The following RBFOX1 variants were observed in gnomAD, a reference collection of about 807,000 sequenced individuals.
RBFOX1 encodes the protein RNA binding protein fox-1 homolog 1.
In RBFOX1, 8 loss-of-function variants were observed where a neutral mutation model predicts 57.7. The observed-to-expected ratio is 0.14, with a 90% CI of 0.08 to 0.25. RBFOX1 has a LOEUF of 0.25. RBFOX1 is among the 10% of genes least tolerant of loss of function. The pLI is 1.00. For synonymous variants in RBFOX1, 326 were observed against 222.4 expected, an observed-to-expected ratio of 1.47 and a Z score of -4.15; for missense variants, 611 against 548.5, an observed-to-expected ratio of 1.11 and a Z score of -1.14.
intron 2 of RBFOX1, among the ~76,000 whole-genome samples, chr16:5,477,247 C>T (rs1241107770): frequency 3.3e-5 from 5 of 152,054 alleles, no homozygotes; most frequent in Non-Finnish European, 5.9e-5. Context: ...TTTTTGGTGC[C>T]TGTATTTTTT....
At chr16:5,784,000 A>G (rs1274137218) in intron 3 of RBFOX1, among the ~76,000 whole-genome samples, 3 of 152,304 alleles carry the variant, frequency 2.0e-5, no homozygotes, top group Non-Finnish European at 2.9e-5. Flanking sequence ...CTTACCTGAG[A>G]CTGGGTAATT....
At chr16:5,345,941 A>T (rs907271791) in intron 1 of RBFOX1, among the ~76,000 whole-genome samples, 1 of 152,174 alleles carries the variant, frequency 6.6e-6, no homozygotes, top group East Asian at 1.9e-4. Context: ...CCTGCTAATT[A>T]TGCCCCTAGG....
At chr16:6,351,488 C>G (rs2086387870) in intron 2 of RBFOX1, among the ~76,000 whole-genome samples, 1 of 151,044 alleles carries the variant, frequency 6.6e-6, no homozygotes, top group African/African-American at 2.4e-5. Context: ...ATTCTCTTGC[C>G]TCAGCCTCCC....
At chr16:6,196,881 G>T (rs2097183315) in intron 1 of RBFOX1, among the ~76,000 whole-genome samples, 1 of 151,634 alleles carries the variant, frequency 6.6e-6, no homozygotes, top group Non-Finnish European at 1.5e-5. Context: ...CTGCATCGAG[G>T]TCATCTCTGT....
At chr16:6,272,574 A>C (rs1488899184) in intron 1 of RBFOX1, among the ~76,000 whole-genome samples, 1 of 152,214 alleles carries the variant, frequency 6.6e-6, no homozygotes, top group Non-Finnish European at 1.5e-5. Context: ...TTTTGTGGAT[A>C]GAGACAACAC....
In RBFOX1 at chr16:7,392,797, C is replaced by T. The variant is rs186853130; in HGVS notation, c.28-125350C>T. 1.3e-4 allele frequency among the ~76,000 whole-genome samples: 20 copies of T among 152,118 alleles called. 1 individual carries two copies. Among genetic ancestry groups the T allele is most frequent in the Admixed American group, 9.2e-4 (14 of 15,262 alleles). ...AATTACTGTAGGGATGTCCTCAGTC[C>T]GTGGATTGTTTTGACTCTCTTTGGT... On this transcript the variant is annotated intron_variant, in intron 4 of 15. Transcript: ENST00000550418.
At chr16:7,279,114 C>A (rs1294267663) in intron 4 of RBFOX1, among the ~76,000 whole-genome samples, 1 of 145,484 alleles carries the variant, frequency 6.9e-6, no homozygotes, top group Non-Finnish European at 1.5e-5. Context: ...TGTACATTTT[C>A]TCTTTCCTTT....
At chr16:7,101,158 T>C (rs2062623459) in intron 4 of RBFOX1, among the ~76,000 whole-genome samples, 1 of 152,196 alleles carries the variant, frequency 6.6e-6, no homozygotes. Context: ...TGAGTATTAA[T>C]TTAGTCAGAG....
chr16:7,351,666 T>C (rs1259980276), intron 4 of RBFOX1, among the ~76,000 whole-genome samples: 3 of 152,232 alleles, frequency 2.0e-5, no homozygotes, highest in African/African-American at 7.2e-5. Context: ...TCTCTTTTTT[T>C]CGCTTCCTGG....
At chr16:6,189,508 C>T (rs184388999) in intron 1 of RBFOX1, among the ~76,000 whole-genome samples, 3 of 152,320 alleles carry the variant, frequency 2.0e-5, no homozygotes, top group East Asian at 1.9e-4. Flanking sequence ...CATTGGTTAG[C>T]TTGCTGAAGG....
chr16:5,538,322 C>G (rs2044781777), intron 2 of RBFOX1, among the ~76,000 whole-genome samples: 1 of 152,124 alleles, frequency 6.6e-6, no homozygotes. Context: ...AAAATAGCAT[C>G]CACCAAAAGA....
At chr16:7,226,526 G>A (rs1450942362) in intron 4 of RBFOX1, among the ~76,000 whole-genome samples, 1 of 152,188 alleles carries the variant, frequency 6.6e-6, no homozygotes. Flanking sequence ...TTTTCCTTGG[G>A]TCTGCCGTAA....
Position 6,492,747 on chromosome 16 carries a change from G to A in RBFOX1, c.-63-161856G>A, listed in dbSNP as rs933460829. Among the ~76,000 whole-genome samples the A allele has an allele frequency of 5.3e-5, 8 of 152,162 alleles. 1 individual carries two copies. Among genetic ancestry groups the A allele is most frequent in the African/African-American group, 1.9e-4 (8 of 41,440 alleles). On this transcript the variant is annotated intron_variant, in intron 2 of 15. Transcript: ENST00000550418. ...GAAATACCTAAGTAGGGTGATTGGA[G>A]GTCAAGGACCCTTGTAGGAATGAAG...
chr16:7,187,690 CAAAAAAAAAAAAAAAAAAAA>C (rs536529201), intron 4 of RBFOX1, among the ~76,000 whole-genome samples: 134 of 72,582 alleles, frequency 1.8e-3, no homozygotes, highest in African/African-American at 7.7e-3. Context: ...CTCTGTCTCA[CAAAAAAAAAAAAAAAAAAAA>C]AAAAAAAAAA....
At chr16:5,773,582 C>G (rs961071390) in intron 3 of RBFOX1, among the ~76,000 whole-genome samples, 1 of 152,186 alleles carries the variant, frequency 6.6e-6, no homozygotes, top group Non-Finnish European at 1.5e-5. Context: ...TTTTCCCATT[C>G]TGAACAGTGT....
At chr16:6,296,489 C>T (rs184796546) in intron 1 of RBFOX1, among the ~76,000 whole-genome samples, 2,096 of 151,238 alleles carry the variant, frequency 0.014, 59 homozygotes, top group African/African-American at 0.048. Context: ...GGCGGGATCT[C>T]GGCTCACTGC....
intron 1 of RBFOX1, among the ~76,000 whole-genome samples, chr16:5,275,999 T>C (rs1243096176): frequency 1.3e-5 from 2 of 152,178 alleles, no homozygotes; most frequent in South Asian, 2.1e-4. Flanking sequence ...AGAATAAAAC[T>C]GGATCCTCAT....
intron 14 of RBFOX1, 132 bp downstream of exon 14, chr16:7,676,970 A>C (rs1027030886): frequency 1.2e-6 from 1 of 826,794 alleles, no homozygotes. Context: ...GTTAGGTCCC[A>C]TGGTGAACGT....
intron 3 of RBFOX1, among the ~76,000 whole-genome samples, chr16:6,912,788 ATTTTTT>A (rs113434905): frequency 6.8e-6 from 1 of 148,058 alleles, no homozygotes; most frequent in African/African-American, 2.5e-5. Flanking sequence ...TGCCCGCCTA[ATTTTTT>A]TTTTTAAGAC....
Sources: gnomAD v4.1 joint callset for allele counts (sites outside exome capture counted in the v4.1 genomes callset) on GRCh38, gnomAD v4.1.1 for gene constraint, MANE v1.5 for transcripts, NCBI Gene and HGNC (gene_info 2026-07-23, HGNC 2026-07-21) for gene names.